Variants in RAB27A observed in about 807,000 individuals in gnomAD.
RAB27A encodes the protein RAB27A, member RAS oncogene family.
In RAB27A, 17 loss-of-function variants were observed where a neutral mutation model predicts 20.8. That is an observed-to-expected ratio of 0.82 (90% CI 0.56 to 1.23). RAB27A has a LOEUF of 1.23. RAB27A is among the 50% of genes most tolerant of loss of function. The probability of loss-of-function intolerance (pLI) is 0.00; values close to 1 mark genes in which losing one functional copy is unlikely to be tolerated. For synonymous variants in RAB27A, 85 were observed against 92.8 expected, an observed-to-expected ratio of 0.92 and a Z score of 0.48; for missense variants, 277 against 266.7, an observed-to-expected ratio of 1.04 and a Z score of -0.27.
At chr15:55,278,573 C>T (rs1897934540) in intron 1 of RAB27A, among the ~76,000 whole-genome samples, 1 of 151,718 alleles carries the variant, frequency 6.6e-6, no homozygotes, top group African/African-American at 2.4e-5. Context: ...AGCTCCACCT[C>T]CTGGGTTCAC....
chr15:55,230,710 T>C (rs1895997774), intron 3 of RAB27A, among the ~76,000 whole-genome samples: 1 of 152,130 alleles, frequency 6.6e-6, no homozygotes, highest in African/African-American at 2.4e-5. Flanking sequence ...TTGTAAAATA[T>C]GAATACAAAA....
At chr15:55,243,181 G>A (rs1020962210) in intron 2 of RAB27A, among the ~76,000 whole-genome samples, 2 of 151,924 alleles carry the variant, frequency 1.3e-5, no homozygotes, top group African/African-American at 4.8e-5. Flanking sequence ...CTTCTTGCTG[G>A]TCATTGCAAA....
chr15:55,312,533 T>C (rs2055025981), intron 2 of RAB27A, among the ~76,000 whole-genome samples: 2 of 152,344 alleles, frequency 1.3e-5, no homozygotes, highest in East Asian at 1.9e-4. Context: ...AAGCTTCCAA[T>C]TGTTTCACAT....
chr15:55,303,114 G>C (rs1180376376), intron 2 of RAB27A, among the ~76,000 whole-genome samples: 44 of 117,352 alleles, frequency 3.7e-4, no homozygotes, highest in East Asian at 9.7e-4. Context: ...GGCCAGCCGT[G>C]CCGTCCGGGA....
At chr15:55,221,007 A>T (rs1895544226) in intron 6 of RAB27A, among the ~76,000 whole-genome samples, 1 of 152,146 alleles carries the variant, frequency 6.6e-6, no homozygotes, top group Non-Finnish European at 1.5e-5. Flanking sequence ...CTATAGATTG[A>T]GCTCCTCTCT....
intron 2 of RAB27A, among the ~76,000 whole-genome samples, chr15:55,299,907 G>A (rs895495092): frequency 2.7e-5 from 4 of 150,026 alleles, no homozygotes; most frequent in East Asian, 2.0e-4. Context: ...TGCAAGCTCC[G>A]CCTCCTGGGT....
intron 2 of RAB27A, among the ~76,000 whole-genome samples, chr15:55,262,421 A>G (rs567443099): frequency 6.6e-6 from 1 of 151,840 alleles, no homozygotes; most frequent in South Asian, 2.1e-4. Context: ...AGGCACCTGT[A>G]GTCTCAGGTA....
intron 6 of RAB27A, among the ~76,000 whole-genome samples, chr15:55,215,736 T>A (rs1297446471): frequency 3.5e-5 from 5 of 144,016 alleles, no homozygotes; most frequent in Non-Finnish European, 7.6e-5. Context: ...CTGAGACGGG[T>A]GGATCACCTG....
chr15:55,318,030 G>A (rs536963418), intron 1 of RAB27A, among the ~76,000 whole-genome samples: 1 of 151,992 alleles, frequency 6.6e-6, no homozygotes, highest in Admixed American at 6.6e-5. Flanking sequence ...ATTAGGGAAG[G>A]GTATAAGACA....
chr15:55,247,826 G>A (rs1436369932), intron 2 of RAB27A, among the ~76,000 whole-genome samples: 1 of 152,066 alleles, frequency 6.6e-6, no homozygotes, highest in African/African-American at 2.4e-5. Context: ...ATGAGAATAT[G>A]AGTACCATCA....
intron 2 of RAB27A, among the ~76,000 whole-genome samples, chr15:55,262,496 C>T (rs1334757317): frequency 4.0e-5 from 6 of 149,358 alleles, no homozygotes; most frequent in Admixed American, 3.3e-4. Flanking sequence ...GAGCCGAGAT[C>T]ACGCCACTGC....
At chr15:55,280,111 T>C (rs916091560) in intron 1 of RAB27A, among the ~76,000 whole-genome samples, 4 of 152,212 alleles carry the variant, frequency 2.6e-5, no homozygotes, top group African/African-American at 9.7e-5. Flanking sequence ...TGTGTATATT[T>C]CCTGTTTGAC....
Position 55,203,519 on chromosome 15 carries a change from A to T in RAB27A, c.*1988T>A, listed in dbSNP as rs1894494164. On this transcript the variant is annotated 3_prime_UTR_variant, in exon 7 of 7. Transcript: ENST00000336787. ...AAGCTCCGCCTCCCAGGTTCACGCC[A>T]TTCTCCTGCCTCAGCCTCCTGAGTA... is the stretch of plus-strand genomic sequence containing the variant. 1 of 142,470 alleles carries T rather than the reference A, an allele frequency of 7.0e-6. No individual in the cohort carries two copies. The highest frequency in any genetic ancestry group is 2.2e-4 in the South Asian group (1 of 4,570). 8.8% of individuals were successfully genotyped at this position (142,470 alleles called of 1,614,324 possible). A position where few individuals can be genotyped will look rare whatever the true frequency, so the allele number is the denominator to read the frequency against.
chr15:55,310,210 T>G (rs541536644), intron 2 of RAB27A, among the ~76,000 whole-genome samples: 6 of 152,300 alleles, frequency 3.9e-5, no homozygotes, highest in African/African-American at 1.4e-4. Flanking sequence ...TGACTGGCTG[T>G]CCTAGGACCC....
chr15:55,232,894 T>A (rs1055028479), intron 3 of RAB27A, among the ~76,000 whole-genome samples: 5 of 152,132 alleles, frequency 3.3e-5, no homozygotes, highest in African/African-American at 9.7e-5. Flanking sequence ...GAGGCTAAGA[T>A]GGGTGGATCA....
intron 2 of RAB27A, among the ~76,000 whole-genome samples, chr15:55,244,370 GAAGA>G: frequency 6.6e-6 from 1 of 151,952 alleles, no homozygotes; most frequent in Non-Finnish European, 1.5e-5. Flanking sequence ...GCTCAGTAGA[GAAGA>G]AAGAGACAGC....
intron 6 of RAB27A, among the ~76,000 whole-genome samples, chr15:55,216,986 G>C (rs1056059302): frequency 6.6e-6 from 1 of 152,142 alleles, no homozygotes; most frequent in African/African-American, 2.4e-5. Context: ...TATTTAATTG[G>C]TATAATTTCA....
chr15:55,317,792 T>C (rs542141166), intron 1 of RAB27A: 68 of 398,160 alleles, frequency 1.7e-4, no homozygotes, highest in African/African-American at 4.1e-4. Flanking sequence ...CTCCTAAACA[T>C]TGCTGCAACA....
rs569941568 is a variant in RAB27A at position 55,313,396 on chromosome 15, A to G, written c.-112+643T>C. On this transcript the variant is annotated intron_variant, in intron 2 of 5. Coordinates refer to the RAB27A transcript ENST00000563262. Reference sequence around the variant, plus strand: ...AGCCTGGGTGACAGAGCGAGACCCTATCTCTTTAAAAACAAAAAACACAAA... The same window carrying G: ...AGCCTGGGTGACAGAGCGAGACCCTGTCTCTTTAAAAACAAAAAACACAAA... Among the ~76,000 whole-genome samples, 9 of 152,342 alleles carry G rather than the reference A, an allele frequency of 5.9e-5. 1 individual carries two copies. The highest frequency in any genetic ancestry group is 1.7e-4 in the African/African-American group (7 of 41,578).
Sources: allele counts gnomAD v4.1 joint callset (sites outside exome capture counted in the v4.1 genomes callset), GRCh38; gene constraint gnomAD v4.1.1; transcripts MANE v1.5; gene names NCBI Gene and HGNC (gene_info 2026-07-23, HGNC 2026-07-21).